VPS13B: variants seen among roughly 807,000 people sequenced by gnomAD.
VPS13B encodes vacuolar protein sorting 13 homolog B.
A neutral mutation model predicts 426.4 loss-of-function variants in VPS13B; 285 were observed. The observed-to-expected ratio is 0.67, with a 90% CI of 0.61 to 0.74. The LOEUF is 0.74. Ranked by LOEUF, VPS13B falls within the 30% of genes least tolerant of loss-of-function variation. The pLI is 0.00. For missense variants in VPS13B, 4,537 were observed against 4,782.6 expected, an observed-to-expected ratio of 0.95 and a Z score of 1.51; for synonymous variants, 1,676 against 1,676.4, an observed-to-expected ratio of 1.00 and a Z score of 0.01.
At chr8:99,298,482 T>G (rs999101773) in intron 19 of VPS13B, among the ~76,000 whole-genome samples, 1 of 151,956 alleles carries the variant, frequency 6.6e-6, no homozygotes, top group African/African-American at 2.4e-5. Context: ...AGAGTGAAAC[T>G]TGGTCTCAAA....
intron 33 of VPS13B, among the ~76,000 whole-genome samples, chr8:99,609,140 A>G (rs573362499): frequency 6.6e-6 from 1 of 152,200 alleles, no homozygotes; most frequent in Non-Finnish European, 1.5e-5. Flanking sequence ...TTATTCTGTT[A>G]TGTTATAGTT....
Position 99,875,550 on chromosome 8 carries a change from C to A in VPS13B, c.11878C>A (p.Pro3960Thr). 5 of 1,614,120 alleles carry A rather than the reference C, an allele frequency of 3.1e-6. No homozygotes were observed. Among genetic ancestry groups the A allele is most frequent in the Non-Finnish European group, 4.2e-6 (5 of 1,180,014 alleles). ...QIPCPVVAAEPPPSTVKTYHY... is the reference protein window; with the variant it reads ...QIPCPVVAAETPPSTVKTYHY... ...ACCATGCCCTGTGGTGGCTGCAGAA[C>A]CTCCCCCCTCCACTGTTAAAACATA... Residue 3960 changes from proline to threonine, a missense_variant, in exon 62 of 62, where the codon CCT becomes ACT. This residue lies in a region of VPS13B where 4,311 missense variants were observed against 4,474.3 expected (regional missense o/e 0.96). Coordinates refer to ENST00000357162, the MANE Select transcript of VPS13B (RefSeq NM_152564.5).
rs1831595997 is a variant in VPS13B, at chr8:99,690,251, T to C, written c.6047-9274T>C. Among the ~76,000 whole-genome samples the C allele has an allele frequency of 2.0e-5, 3 of 152,028 alleles. No homozygotes were observed. In the South Asian group the frequency reaches 6.2e-4, roughly 32 times the overall value. On this transcript the variant is annotated intron_variant, in intron 35 of 61. Transcript: ENST00000357162. ...GCTGACATAACTAGATATCCACACA[T>C]AAAAGAATGAAGTTGAACCCCTACC...
chr8:99,296,993 A>T (rs940957777), intron 19 of VPS13B, among the ~76,000 whole-genome samples: 2 of 152,002 alleles, frequency 1.3e-5, no homozygotes, highest in Non-Finnish European at 2.9e-5. Context: ...TTTAAGTATA[A>T]ATATTTGTGT....
intron 7 of VPS13B, among the ~76,000 whole-genome samples, chr8:99,118,884 T>C (rs1323502777): frequency 6.6e-6 from 1 of 152,250 alleles, no homozygotes; most frequent in Non-Finnish European, 1.5e-5. Flanking sequence ...CGTAGACATG[T>C]GCTATTCTTT....
At chr8:99,821,159 CA>C (rs1487875627) in intron 49 of VPS13B, 134 bp from the exon 50 acceptor site, 81 of 643,828 alleles carry the variant, frequency 1.3e-4, no homozygotes, top group Non-Finnish European at 1.8e-4. Flanking sequence ...CACACACACA[CA>C]CACACACCAT....
At chr8:99,435,163 A>G (rs780621906) in intron 22 of VPS13B, among the ~76,000 whole-genome samples, 1 of 152,200 alleles carries the variant, frequency 6.6e-6, no homozygotes, top group African/African-American at 2.4e-5. Context: ...ATATTATCCT[A>G]GGTAAGTATT....
intron 19 of VPS13B, among the ~76,000 whole-genome samples, chr8:99,351,392 T>C (rs1811869380): frequency 6.6e-6 from 1 of 152,020 alleles, no homozygotes; most frequent in South Asian, 2.1e-4. Flanking sequence ...CAGTTTATAT[T>C]ATGTTCATTT....
intron 3 of VPS13B, chr8:99,092,172 C>T (rs1292208954): frequency 6.6e-6 from 1 of 152,142 alleles, no homozygotes; most frequent in African/African-American, 2.4e-5. Context: ...GATCTGTTTA[C>T]GTGCAGTGTT....
intron 23 of VPS13B, among the ~76,000 whole-genome samples, chr8:99,462,300 G>A (rs1243957471): frequency 1.3e-5 from 2 of 151,574 alleles, no homozygotes; most frequent in Non-Finnish European, 2.9e-5. Context: ...TTTTCATCTT[G>A]TCCAATCAAG....
At chr8:99,827,881 A>G (rs1814789952) in intron 51 of VPS13B, among the ~76,000 whole-genome samples, 2 of 152,128 alleles carry the variant, frequency 1.3e-5, no homozygotes, top group African/African-American at 4.8e-5. Context: ...ATTTCCATGT[A>G]GTTGTGTGGA....
At chr8:99,223,415 CATTT>C (rs1411379255) in intron 17 of VPS13B, among the ~76,000 whole-genome samples, 1 of 152,038 alleles carries the variant, frequency 6.6e-6, no homozygotes, top group Non-Finnish European at 1.5e-5. Flanking sequence ...TCTATTGTGT[CATTT>C]AGTCCTCACA....
intron 17 of VPS13B, among the ~76,000 whole-genome samples, chr8:99,247,681 T>TG: frequency 6.6e-6 from 1 of 152,372 alleles, no homozygotes; most frequent in East Asian, 1.9e-4. Context: ...ATCAACTACA[T>TG]AAATTTTGTT....
rs534061055 is a variant in VPS13B at position 99,865,362 on chromosome 8, T to C, written c.11216-2927T>C. On this transcript the variant is annotated intron_variant, in intron 58 of 61. Transcript: ENST00000357162. ...AAGCTAGGATGTCAAGAATTGCTTC[T>C]CTGACCCCCACTTCTTTTGGGATGC... Among the ~76,000 whole-genome samples, 37 of 152,356 alleles carry C rather than the reference T, an allele frequency of 2.4e-4. 1 individual carries two copies. The South Asian group carries it at 7.7e-3, about 32-fold the overall frequency.
chr8:99,764,403 G>C (rs920659362), intron 39 of VPS13B, among the ~76,000 whole-genome samples: 11 of 148,878 alleles, frequency 7.4e-5, no homozygotes, highest in Non-Finnish European at 1.6e-4. Context: ...AATATAGAGA[G>C]AGATTCTTTT....
intron 17 of VPS13B, among the ~76,000 whole-genome samples, chr8:99,262,255 TAGTA>T (rs1452404443): frequency 1.3e-5 from 2 of 152,216 alleles, no homozygotes; most frequent in Non-Finnish European, 2.9e-5. Flanking sequence ...CTGCTGAAAA[TAGTA>T]AGTGCTTTTT....
chr8:99,309,730 T>C (rs1820848925), intron 19 of VPS13B, among the ~76,000 whole-genome samples: 1 of 152,194 alleles, frequency 6.6e-6, no homozygotes, highest in Admixed American at 6.5e-5. Context: ...AAGTCATCCG[T>C]AGCTTGATGG....
At chr8:99,544,965 A>G (rs1823888202) in intron 30 of VPS13B, among the ~76,000 whole-genome samples, 1 of 152,182 alleles carries the variant, frequency 6.6e-6, no homozygotes, top group Admixed American at 6.5e-5. Context: ...GATGCCTAAG[A>G]TCACACAGCT....
chr8:99,745,109 T>C (rs1192479722), intron 39 of VPS13B, among the ~76,000 whole-genome samples: 1 of 152,160 alleles, frequency 6.6e-6, no homozygotes, highest in Admixed American at 6.5e-5. Context: ...CTTTTTTTGA[T>C]TCAATACAAA....
Sources: gnomAD v4.1 joint callset for allele counts (sites outside exome capture counted in the v4.1 genomes callset) on GRCh38, gnomAD v4.1.1 for gene constraint, gnomAD v4.1.1 regional missense constraint, MANE v1.5 for transcripts, NCBI Gene and HGNC (gene_info 2026-07-23, HGNC 2026-07-21) for gene names.